RNF4: variants seen among roughly 807,000 people sequenced by gnomAD.
The protein encoded by RNF4 is ring finger protein 4.
A neutral mutation model predicts 24.3 loss-of-function variants in RNF4; 7 were observed. The ratio of observed to expected loss-of-function variants is 0.29; its 90% CI spans 0.16 to 0.54. RNF4 has a LOEUF of 0.54. RNF4 is among the 20% of genes least tolerant of loss of function. RNF4 has a pLI of 0.95. For missense variants in RNF4, 209 were observed against 248.5 expected, an observed-to-expected ratio of 0.84 and a Z score of 1.07; for synonymous variants, 83 against 84.3, an observed-to-expected ratio of 0.98 and a Z score of 0.09.
At chr4:2,509,914 G>A (rs1736219936) in intron 4 of RNF4, among the ~76,000 whole-genome samples, 1 of 152,134 alleles carries the variant, frequency 6.6e-6, no homozygotes, top group African/African-American at 2.4e-5. Context: ...ATTTGCTTTT[G>A]CTCCCAGCTA....
At chr4:2,497,987 G>GC (rs935465608) in intron 3 of RNF4, among the ~76,000 whole-genome samples, 1 of 152,028 alleles carries the variant, frequency 6.6e-6, no homozygotes, top group African/African-American at 2.4e-5. Flanking sequence ...AATTTCATGG[G>GC]CCCCCCAGGA....
At chr4:2,489,224 G>C (rs1025280501) in intron 1 of RNF4, among the ~76,000 whole-genome samples, 1 of 152,198 alleles carries the variant, frequency 6.6e-6, no homozygotes. Context: ...AGGAGCCAGG[G>C]AAAGTTGCTG....
chr4:2,472,933 G>A (rs1456351456), intron 1 of RNF4, among the ~76,000 whole-genome samples: 2 of 151,926 alleles, frequency 1.3e-5, no homozygotes, highest in East Asian at 3.9e-4. Flanking sequence ...CCAGCTACTC[G>A]GGAGGCTGAG....
intron 1 of RNF4, among the ~76,000 whole-genome samples, chr4:2,484,552 G>A (rs548884867): frequency 2.0e-5 from 3 of 151,978 alleles, no homozygotes; most frequent in African/African-American, 7.2e-5. Context: ...TGTACGTCAA[G>A]GAGCATCTGC....
At chr4:2,473,665 G>A (rs1030879088) in intron 1 of RNF4, among the ~76,000 whole-genome samples, 2 of 152,104 alleles carry the variant, frequency 1.3e-5, no homozygotes, top group East Asian at 1.9e-4. Context: ...CAAAAAATTA[G>A]CAGGGCGTGG....
chr4:2,484,707 TAATA>T (rs944175902), intron 1 of RNF4, among the ~76,000 whole-genome samples: 12 of 152,200 alleles, frequency 7.9e-5, no homozygotes, highest in South Asian at 4.2e-4. Flanking sequence ...AGACCTTAAA[TAATA>T]AATCTATAAG....
chr4:2,474,791 G>A (rs1226527455), intron 1 of RNF4, among the ~76,000 whole-genome samples: 5 of 152,080 alleles, frequency 3.3e-5, no homozygotes, highest in African/African-American at 4.8e-5. Flanking sequence ...TTAGGAGGCC[G>A]AGGCAGGCGG....
chr4:2,479,291 G>T (rs1735176618), intron 1 of RNF4, among the ~76,000 whole-genome samples: 1 of 152,186 alleles, frequency 6.6e-6, no homozygotes, highest in African/African-American at 2.4e-5. Context: ...TTGGACTTTT[G>T]AGTTAATGCT....
intron 2 of RNF4, among the ~76,000 whole-genome samples, chr4:2,495,667 T>C (rs998375653): frequency 1.3e-5 from 2 of 151,262 alleles, no homozygotes; most frequent in African/African-American, 4.9e-5. Context: ...AGATTTACTC[T>C]TGTTGCCCAG....
chr4:2,491,601 C>T (rs994686800), intron 2 of RNF4, among the ~76,000 whole-genome samples: 12 of 152,254 alleles, frequency 7.9e-5, no homozygotes, highest in Admixed American at 4.6e-4. Context: ...TACCACCACA[C>T]CCAGCTGATT....
intron 1 of RNF4, among the ~76,000 whole-genome samples, chr4:2,482,443 C>T (rs34514346): frequency 1.3e-5 from 2 of 152,192 alleles, no homozygotes; most frequent in Non-Finnish European, 2.9e-5. Flanking sequence ...TTGACGGCCT[C>T]TAGCATCTGA....
At chr4:2,493,345 G>A (rs1251270564) in intron 2 of RNF4, among the ~76,000 whole-genome samples, 1 of 152,044 alleles carries the variant, frequency 6.6e-6, no homozygotes, top group South Asian at 2.1e-4. Flanking sequence ...GTTAGGGAGG[G>A]GTGGGGACAT....
At chr4:2,493,743 T>TAAAAA (rs34740719) in intron 2 of RNF4, among the ~76,000 whole-genome samples, 2 of 88,150 alleles carry the variant, frequency 2.3e-5, no homozygotes, top group Non-Finnish European at 4.4e-5. Flanking sequence ...GACTCCGTCT[T>TAAAAA]AAAAAAAAAA....
intron 3 of RNF4, among the ~76,000 whole-genome samples, chr4:2,497,828 G>T (rs1735784033): frequency 6.6e-6 from 1 of 151,968 alleles, no homozygotes; most frequent in Non-Finnish European, 1.5e-5. Context: ...TAGAGACAGG[G>T]TTTCACCATG....
chr4:2,485,684 C>G (rs1457228197), intron 1 of RNF4, among the ~76,000 whole-genome samples: 2 of 152,172 alleles, frequency 1.3e-5, no homozygotes, highest in African/African-American at 4.8e-5. Flanking sequence ...CTTCTCTACC[C>G]CAGCTCCTCT....
chr4:2,469,331 G>C (rs553815161), intron 1 of RNF4, 73 bp downstream of exon 1: 136 of 152,288 alleles, frequency 8.9e-4, no homozygotes, highest in African/African-American at 3.1e-3. Context: ...CGCGCCTCTT[G>C]GGGGAGCCGC....
At chr4:2,509,470 G>C (rs548098847) in intron 4 of RNF4, among the ~76,000 whole-genome samples, 1 of 151,926 alleles carries the variant, frequency 6.6e-6, no homozygotes, top group African/African-American at 2.4e-5. Flanking sequence ...CGCCCATCTC[G>C]GCCTCCCAAA....
At chr4:2,477,960 G>C (rs1179096156) in intron 1 of RNF4, among the ~76,000 whole-genome samples, 1 of 152,218 alleles carries the variant, frequency 6.6e-6, no homozygotes, top group Non-Finnish European at 1.5e-5. Context: ...GAACTCGCTA[G>C]AGACTTGTTG....
chr4:2,477,199 A>G (rs536811984), intron 1 of RNF4, among the ~76,000 whole-genome samples: 1 of 152,328 alleles, frequency 6.6e-6, no homozygotes, highest in South Asian at 2.1e-4. Context: ...TTGAATTCCT[A>G]CATGTTGTGG....
Sources: allele counts gnomAD v4.1 joint callset (sites outside exome capture counted in the v4.1 genomes callset), GRCh38; gene constraint gnomAD v4.1.1; transcripts MANE v1.5; gene names NCBI Gene and HGNC (gene_info 2026-07-23, HGNC 2026-07-21).